The following ALDH3B1 variants were observed in gnomAD, a reference collection of about 807,000 sequenced individuals.
ALDH3B1 encodes aldehyde dehydrogenase family 3 member B1.
Under a neutral mutation model 46.2 loss-of-function variants are expected in ALDH3B1, and 37 were observed. The ratio of observed to expected loss-of-function variants is 0.80; its 90% CI spans 0.62 to 1.05. ALDH3B1 has a LOEUF of 1.05. Ranked by LOEUF, ALDH3B1 falls within the 50% of genes least tolerant of loss-of-function variation. ALDH3B1 has a pLI of 0.00. For missense variants in ALDH3B1, 603 were observed against 665.5 expected (o/e 0.91, Z 1.03); for synonymous variants, 283 against 281.0 (o/e 1.01, Z -0.07).
chr11:68,025,881 G>A (rs1857609985), intron 8 of ALDH3B1, 128 bp from the exon 9 acceptor site: 1 of 576,230 alleles, frequency 1.7e-6, no homozygotes, highest in Admixed American at 4.0e-5. Context: ...CCCTTCAGCT[G>A]ACATGGTGGC....
chr11:68,020,695 C>T (rs887187773), intron 6 of ALDH3B1, among the ~76,000 whole-genome samples: 11 of 152,320 alleles, frequency 7.2e-5, no homozygotes, highest in East Asian at 3.9e-4. Flanking sequence ...GAAGGAACCA[C>T]AGAGCCCAGG....
chr11:68,012,946 G>A (rs889255279), intron 1 of ALDH3B1, among the ~76,000 whole-genome samples: 12 of 152,118 alleles, frequency 7.9e-5, no homozygotes, highest in African/African-American at 2.2e-4. Flanking sequence ...CTCAGTGGGC[G>A]GCCGTGGTGG....
intron 1 of ALDH3B1, 107 bp from the exon 2 acceptor site, chr11:68,015,190 C>T (rs1857318350): frequency 8.0e-7 from 1 of 1,243,854 alleles, no homozygotes. Flanking sequence ...CTGCAAGCCC[C>T]TGTGGGTGCA....
rs1304602896 is a variant in ALDH3B1 at position 68,022,768 on chromosome 11, G to A, written c.1116+7G>A. Reference sequence around the variant, plus strand: ...CTTCTCCAACAGCAGCCAGGTGGGGGTGCGGCCGGGCTGGGCAGGGTCAGG... The same window carrying A: ...CTTCTCCAACAGCAGCCAGGTGGGGATGCGGCCGGGCTGGGCAGGGTCAGG... On this transcript the variant is annotated splice_region_variant and intron_variant, in intron 8 of 9. Transcript: ENST00000342456. 6 of 1,613,730 alleles carry A rather than the reference G, an allele frequency of 3.7e-6. No individual in the cohort carries two copies. The highest frequency in any genetic ancestry group is 1.3e-5 in the African/African-American group (1 of 75,044).
rs750894528 is a variant in ALDH3B1 at position 68,026,018 on chromosome 11, C to T, written c.1126C>T (p.Arg376Trp). ...TCCTGTTCTCTCCCAGGTGGTCAAGCGGGTGCTGACCCAGACCAGCAGCGG... is the reference window on the plus strand; with the variant it reads ...TCCTGTTCTCTCCCAGGTGGTCAAGTGGGTGCTGACCCAGACCAGCAGCGG... Reference protein sequence around the residue: ...AFSNSSQVVKRVLTQTSSGGF... With the variant: ...AFSNSSQVVKWVLTQTSSGGF... Residue 376 changes from arginine to tryptophan, a missense_variant, in exon 9 of 10, where the codon CGG becomes TGG. Arg to Trp is a moderately radical substitution (Grantham distance 101). Coordinates refer to ENST00000342456, the MANE Select transcript of ALDH3B1 (RefSeq NM_000694.4). 10 of 1,601,320 alleles carry T rather than the reference C, an allele frequency of 6.2e-6. No homozygotes were observed. The highest frequency in any genetic ancestry group is 3.4e-5 in the South Asian group (3 of 88,482).
chr11:68,026,924 C>T (rs1857638895), intron 9 of ALDH3B1, among the ~76,000 whole-genome samples: 1 of 152,266 alleles, frequency 6.6e-6, no homozygotes, highest in East Asian at 1.9e-4. Context: ...TAGCTGCCTC[C>T]CCAGCCCCAG....
Position 68,019,710 on chromosome 11 carries a change from T to C in ALDH3B1, c.481-5T>C, listed in dbSNP as rs1857440715. ...AGAAGGAGCCTCACCCATCCCGCCT[T>C]GCAGAGCTGCTTTGCTGTGGTGCTG... On this transcript the variant is annotated splice_region_variant and splice_polypyrimidine_tract_variant and intron_variant, in intron 5 of 9. Transcript: ENST00000342456. 1 of 1,613,726 alleles carries C rather than the reference T, an allele frequency of 6.2e-7. No individual in the cohort carries two copies. The highest frequency in any genetic ancestry group is 1.3e-5 in the African/African-American group (1 of 74,928).
In ALDH3B1 at chr11:68,019,347, G is replaced by A. The variant is rs576903682; in HGVS notation, c.480+92G>A. On this transcript the variant is annotated intron_variant, in intron 5 of 9. Coordinates refer to ENST00000342456, the MANE Select transcript of ALDH3B1 (RefSeq NM_000694.4). The stretch of plus-strand genomic sequence containing the variant: ...ATGGAAGGGCCTGTCAGTCAGACCC[G>A]AGTCCCCACCTCAATCCTGCCTCTT... 1.6e-5 allele frequency: 18 copies of A among 1,101,286 alleles called. No homozygotes were observed. The East Asian group carries it at 3.6e-4, about 22-fold the overall frequency. 68.2% of individuals were successfully genotyped at this position (1,101,286 alleles called of 1,614,324 possible).
At chr11:68,022,826 A>AG (rs199673257) in intron 8 of ALDH3B1, 65 bp downstream of exon 8, 19,005 of 1,593,462 alleles carry the variant, frequency 0.012, 138 homozygotes, top group Middle Eastern at 0.014. Flanking sequence ...TGGTGGCAGC[A>AG]GGGGGGGCAC....
intron 1 of ALDH3B1, among the ~76,000 whole-genome samples, chr11:68,012,630 G>T (rs1857257139): frequency 6.6e-6 from 1 of 152,172 alleles, no homozygotes; most frequent in Non-Finnish European, 1.5e-5. Flanking sequence ...TAGTGAGGAG[G>T]GAGGCCGAGG....
In ALDH3B1 at chr11:68,021,603, C is replaced by G. The variant is rs201691419; in HGVS notation, c.681C>G (p.Thr227=). 1 of 1,613,992 alleles carries G rather than the reference C, an allele frequency of 6.2e-7. No homozygotes were observed. Among genetic ancestry groups the G allele is most frequent in the African/African-American group, 1.3e-5 (1 of 74,928 alleles). The change falls in exon 7 of 10, where the codon ACC becomes ACG. Residue 227 remains threonine (T), a synonymous_variant. Coordinates refer to ENST00000342456, the MANE Select transcript of ALDH3B1 (RefSeq NM_000694.4). ...CYVDDNCDPQ[T]VANRVAWFRY... ...TGGACGACAACTGCGACCCCCAGAC[C>G]GTGGCCAACCGCGTGGCCTGGTTCC...
chr11:68,009,906 TG>T (rs570105267), upstream of ALDH3B1, among the ~76,000 whole-genome samples: 1 of 151,870 alleles, frequency 6.6e-6, no homozygotes, highest in Non-Finnish European at 1.5e-5. Context: ...AGGCTGGGAG[TG>T]GGGGGTCGAG....
chr11:68,024,449 T>C (rs1857577417), intron 8 of ALDH3B1: 1 of 152,282 alleles, frequency 6.6e-6, no homozygotes, highest in African/African-American at 2.4e-5. Flanking sequence ...AGTTATTATC[T>C]AGTTATTTTA....
Position 68,019,237 on chromosome 11 carries a change from G to A in ALDH3B1, c.462G>A (p.Leu154=), listed in dbSNP as rs181906213. Residue 154 remains leucine, a synonymous_variant, in exon 5 of 10, where the codon CTG becomes CTA. Transcript: ENST00000342456. ...KNVEKILAEV[L]PQYVDQSCFA... ...TCGAGAAGATCCTGGCCGAGGTGCT[G>A]CCCCAATACGTGGACCAGGTGAGCA... is the stretch of plus-strand genomic sequence containing the variant. 1,081 of 1,613,130 alleles carry A rather than the reference G, an allele frequency of 6.7e-4. 1 individual carries two copies. The highest frequency in any genetic ancestry group is 9.0e-4 in the Non-Finnish European group (1,063 of 1,179,590).
intron 9 of ALDH3B1, among the ~76,000 whole-genome samples, chr11:68,026,759 C>G (rs1435427733): frequency 6.6e-6 from 1 of 152,238 alleles, no homozygotes; most frequent in Non-Finnish European, 1.5e-5. Flanking sequence ...GTCCCGCCAC[C>G]TGTCCACACT....
intron 2 of ALDH3B1, chr11:68,017,042 T>C (rs997668308): frequency 1.3e-5 from 2 of 152,328 alleles, no homozygotes; most frequent in African/African-American, 2.4e-5. Context: ...AGTTAACCCT[T>C]TGGTGAATCT....
rs755870197 is a variant in ALDH3B1, at chr11:68,021,707, C to T, written c.785C>T (p.Pro262Leu). ...CCTGAGATGCAGGAGAGGCTGCTGC[C>T]TGCCCTGCAGAGCACCATCACCCGT... ...CSPEMQERLLPALQSTITRFY... is the reference protein window; with the variant it reads ...CSPEMQERLLLALQSTITRFY... Residue 262 changes from proline to leucine, a missense_variant, in exon 7 of 10, where the codon CCT (proline) becomes CTT (leucine). Transcript: ENST00000342456. 3 of 1,614,128 alleles carry T rather than the reference C, an allele frequency of 1.9e-6. No homozygotes were observed. The South Asian group carries it at 3.3e-5, about 18-fold the overall frequency.
At position 68,021,494 on chromosome 11, in the gene ALDH3B1, G is replaced by A. The variant is rs569648270; in HGVS notation, c.572G>A (p.Arg191His). 8 of 1,610,686 alleles carry A rather than the reference G, an allele frequency of 5.0e-6. No individual in the cohort carries two copies. The African/African-American group carries it at 5.3e-5, about 11-fold the overall frequency. Residue 191 changes from arginine (R) to histidine (H), a missense_variant, in exon 7 of 10, where the codon CGT (arginine) becomes CAT (histidine). By Grantham distance (29) the Arg-to-His change is conservative. Transcript: ENST00000342456. ...TTCCTTCCATGCCCAGGGAGCCCTCGTGTGGGCAAGATTGTTATGACTGCT... is the reference window on the plus strand; with the variant it reads ...TTCCTTCCATGCCCAGGGAGCCCTCATGTGGGCAAGATTGTTATGACTGCT... ...FDYIFFTGSP[R>H]VGKIVMTAAA...
chr11:68,015,087 A>G, intron 1 of ALDH3B1: 1 of 513,006 alleles, frequency 1.9e-6, no homozygotes, highest in Non-Finnish European at 3.4e-6. Flanking sequence ...TGTGTCTGGG[A>G]GTGCTCACTG....
Sources: allele counts gnomAD v4.1 joint callset (sites outside exome capture counted in the v4.1 genomes callset), GRCh38; gene constraint gnomAD v4.1.1; transcripts MANE v1.5; gene names NCBI Gene and HGNC (gene_info 2026-07-23, HGNC 2026-07-21).